Variants in MAPDA observed in about 807,000 individuals in gnomAD.
MAPDA encodes N6,N6-dimethyl-AMP deaminase.
At chr15:43,331,199 T>G in the MAPDA span, among the ~76,000 whole-genome samples, 1,705 of 152,314 alleles carry the variant, frequency 0.011, 16 homozygotes, top group Middle Eastern at 0.031. Flanking sequence ...AATAAACCAC[T>G]CAGCCTCTCT....
At chr15:43,349,262 T>G in the MAPDA span, 1 of 1,270,326 alleles carries the variant, frequency 7.9e-7, no homozygotes, top group Non-Finnish European at 9.9e-7. Context: ...GCTTGTCTTA[T>G]TCGTTGTTAC....
the MAPDA span, among the ~76,000 whole-genome samples, chr15:43,337,548 C>T: frequency 6.6e-6 from 1 of 152,204 alleles, no homozygotes; most frequent in East Asian, 1.9e-4. Context: ...ATTGATCTGA[C>T]TAGGATGGCA....
At chr15:43,346,019 G>C in the MAPDA span, 1 of 1,611,282 alleles carries the variant, frequency 6.2e-7, no homozygotes, top group South Asian at 1.1e-5. Context: ...ATTCTAAAAG[G>C]TAGAATCAGT....
At chr15:43,345,130 G>A in the MAPDA span, among the ~76,000 whole-genome samples, 1 of 151,966 alleles carries the variant, frequency 6.6e-6, no homozygotes, top group African/African-American at 2.4e-5. Context: ...TGAGGCGGGC[G>A]GATCATGAGG....
At chr15:43,352,483 T>G in the MAPDA span, 1 of 152,168 alleles carries the variant, frequency 6.6e-6, no homozygotes, top group Non-Finnish European at 1.5e-5. Context: ...TGCTTGATCC[T>G]AGGAGTTCAG....
chr15:43,334,543 A>G, the MAPDA span, among the ~76,000 whole-genome samples: 1 of 148,664 alleles, frequency 6.7e-6, no homozygotes, highest in African/African-American at 2.4e-5. Flanking sequence ...CAGGAGAATC[A>G]CTTGAACCCA....
the MAPDA span, among the ~76,000 whole-genome samples, chr15:43,346,444 GT>G: frequency 6.6e-6 from 1 of 152,180 alleles, no homozygotes; most frequent in Non-Finnish European, 1.5e-5. Flanking sequence ...ATTGTAGGAT[GT>G]TTAGCAGCAT....
At chr15:43,350,960 C>G in the MAPDA span, 2 of 1,551,572 alleles carry the variant, frequency 1.3e-6, no homozygotes, top group Non-Finnish European at 1.7e-6. Flanking sequence ...TGACCTCAAA[C>G]GTCAAAAGTC....
chr15:43,350,819 TA>T, the MAPDA span: 1 of 790,596 alleles, frequency 1.3e-6, no homozygotes, highest in Non-Finnish European at 2.0e-6. Flanking sequence ...GTCGACTTTG[TA>T]AACTAATAAA....
At chr15:43,351,984 A>G in the MAPDA span, 19 of 1,524,954 alleles carry the variant, frequency 1.2e-5, no homozygotes, top group Non-Finnish European at 1.6e-5. Context: ...ATGTGTTTCA[A>G]TCAAGTTCCT....
chr15:43,340,370 C>T, the MAPDA span: 3 of 1,595,528 alleles, frequency 1.9e-6, no homozygotes, highest in African/African-American at 1.3e-5. Context: ...TTATACTTCT[C>T]AGCAAATGTA....
the MAPDA span, among the ~76,000 whole-genome samples, chr15:43,337,182 A>G: frequency 6.7e-6 from 1 of 148,876 alleles, no homozygotes; most frequent in African/African-American, 2.5e-5. Flanking sequence ...AGGCTGAGGT[A>G]GGAGAATGAT....
chr15:43,345,691 C>T, the MAPDA span, among the ~76,000 whole-genome samples: 3 of 152,128 alleles, frequency 2.0e-5, no homozygotes, highest in Non-Finnish European at 4.4e-5. Context: ...TGTCTCAGTC[C>T]GTATGACAAA....
chr15:43,334,105 G>A, the MAPDA span, among the ~76,000 whole-genome samples: 6 of 151,510 alleles, frequency 4.0e-5, no homozygotes, highest in Non-Finnish European at 8.8e-5. Flanking sequence ...GCAGTGACTG[G>A]CTCATGTGGG....
At chr15:43,340,443 C>G in the MAPDA span, 1 of 1,027,336 alleles carries the variant, frequency 9.7e-7, no homozygotes, top group South Asian at 1.4e-5. Context: ...GAAGCACTAA[C>G]TTTTATACTA....
the MAPDA span, among the ~76,000 whole-genome samples, chr15:43,334,661 A>ATATATATATATATATATATATATATT: frequency 7.7e-5 from 9 of 117,100 alleles, no homozygotes; most frequent in Non-Finnish European, 1.1e-4. Flanking sequence ...ATATATATAT[A>ATATATATATATATATATATATATATT]TATTTTATCC....
the MAPDA span, chr15:43,330,408 C>T: frequency 3.2e-6 from 5 of 1,572,228 alleles, no homozygotes; most frequent in East Asian, 4.5e-5. Flanking sequence ...CCGCGCGCGG[C>T]CAGGGAACGC....
chr15:43,352,083 G>T, the MAPDA span: 2 of 778,698 alleles, frequency 2.6e-6, no homozygotes, highest in Non-Finnish European at 3.9e-6. Context: ...CCTTACACAT[G>T]GCAGGTACTC....
At chr15:43,347,748 C>T in the MAPDA span, among the ~76,000 whole-genome samples, 1 of 152,086 alleles carries the variant, frequency 6.6e-6, no homozygotes, top group Non-Finnish European at 1.5e-5. Context: ...GTCTACTTAC[C>T]TCACAGTTAT....
Sources: gnomAD v4.1 joint callset for allele counts (sites outside exome capture counted in the v4.1 genomes callset) on GRCh38, gnomAD v4.1.1 for gene constraint, MANE v1.5 for transcripts, NCBI Gene and HGNC (gene_info 2026-07-23, HGNC 2026-07-21) for gene names.